Variants in FLT1 observed in about 807,000 individuals in gnomAD.
The protein encoded by FLT1 is fms related receptor tyrosine kinase 1.
In FLT1, 49 loss-of-function variants were observed where a neutral mutation model predicts 156.3. The observed-to-expected ratio is 0.31, with a 90% CI of 0.25 to 0.40. FLT1 has a LOEUF of 0.40. FLT1 is among the 10% of genes least tolerant of loss of function. The pLI is 1.00. For synonymous variants in FLT1, 594 were observed against 583.8 expected (o/e 1.02, Z -0.25); for missense variants, 1,322 against 1,637.2 (o/e 0.81, Z 3.32).
intron 3 of FLT1, among the ~76,000 whole-genome samples, chr13:28,442,238 T>C (rs1878370026): frequency 6.6e-6 from 1 of 152,254 alleles, no homozygotes; most frequent in African/African-American, 2.4e-5. Context: ...TTGTCTCTTT[T>C]GTGCATCCCA....
At chr13:28,482,865 G>A (rs187133690) in intron 1 of FLT1, among the ~76,000 whole-genome samples, 277 of 152,314 alleles carry the variant, frequency 1.8e-3, no homozygotes, top group African/African-American at 6.3e-3. Context: ...TTTGCGTAGC[G>A]AATACTTTGA....
chr13:28,408,647 G>C (rs1490580521), intron 10 of FLT1, among the ~76,000 whole-genome samples: 1 of 152,100 alleles, frequency 6.6e-6, no homozygotes, highest in Admixed American at 6.5e-5. Context: ...GGAGGAAGCC[G>C]AACAACAAGA....
intron 3 of FLT1, among the ~76,000 whole-genome samples, chr13:28,448,676 G>T (rs1430370639): frequency 6.6e-6 from 1 of 152,202 alleles, no homozygotes; most frequent in Admixed American, 6.5e-5. Flanking sequence ...TGACCGTGAT[G>T]ATGATGGTTG....
In FLT1 at chr13:28,321,564, C is replaced by T; in HGVS notation, c.3073G>A (p.Ala1025Thr). The part of the protein sequence containing the change: ...SRKCIHRDLA[A>T]RNILLSENNV... Reference sequence around the variant, plus strand: ...TTCTCAGATAAAAGAATGTTTCTCGCTGCCAGGTCCCGATGAATGCACTAT... The same window carrying T: ...TTCTCAGATAAAAGAATGTTTCTCGTTGCCAGGTCCCGATGAATGCACTAT... The change falls in exon 23 of 30, where the codon GCG (alanine) becomes ACG (threonine). Residue 1025 changes from alanine to threonine, a missense_variant. By Grantham distance (58) the Ala-to-Thr change is moderately conservative. This residue lies in a region of FLT1 where 991 missense variants were observed against 1,254.8 expected (regional missense o/e 0.79). Transcript: ENST00000282397. 6.2e-7 allele frequency: 1 copy of T among 1,614,200 alleles called. No individual in the cohort carries two copies. The highest frequency in any genetic ancestry group is 8.5e-7 in the Non-Finnish European group (1 of 1,180,004).
chr13:28,412,172 G>T (rs1876240783), intron 10 of FLT1, among the ~76,000 whole-genome samples: 2 of 152,206 alleles, frequency 1.3e-5, no homozygotes, highest in Non-Finnish European at 2.9e-5. Flanking sequence ...CGGCCATCCT[G>T]TAGCAGGGCC....
intron 25 of FLT1, among the ~76,000 whole-genome samples, chr13:28,313,312 C>A (rs909953743): frequency 1.3e-5 from 2 of 152,290 alleles, no homozygotes; most frequent in South Asian, 2.1e-4. Flanking sequence ...AGGTATCAGG[C>A]TCCTCTCTTG....
chr13:28,416,545 C>T (rs1184901605), intron 10 of FLT1, among the ~76,000 whole-genome samples: 1 of 152,180 alleles, frequency 6.6e-6, no homozygotes, highest in African/African-American at 2.4e-5. Flanking sequence ...AAACTCTCTA[C>T]CTGATCTGGA....
At chr13:28,461,701 G>A (rs11839312) in intron 3 of FLT1, among the ~76,000 whole-genome samples, 10,343 of 149,862 alleles carry the variant, frequency 0.069, 383 homozygotes, top group South Asian at 0.11. Flanking sequence ...TTCATAGCCA[G>A]GTAGAGCCTT....
At chr13:28,360,517 G>A (rs1245743445) in intron 14 of FLT1, among the ~76,000 whole-genome samples, 1 of 152,148 alleles carries the variant, frequency 6.6e-6, no homozygotes, top group Non-Finnish European at 1.5e-5. Flanking sequence ...AAAAATAACA[G>A]GAAATTCTGT....
chr13:28,463,601 T>A (rs1278192469), intron 3 of FLT1, among the ~76,000 whole-genome samples: 1 of 152,174 alleles, frequency 6.6e-6, no homozygotes, highest in East Asian at 1.9e-4. Context: ...TATTCAACAA[T>A]AATAAATACA....
intron 3 of FLT1, among the ~76,000 whole-genome samples, chr13:28,459,859 A>G (rs748859547): frequency 3.9e-5 from 6 of 152,254 alleles, no homozygotes; most frequent in Non-Finnish European, 8.8e-5. Context: ...TGCCCAACAC[A>G]GTGCTGACCT....
chr13:28,395,603 C>A lies in FLT1; in HGVS notation c.1660+1357G>T, dbSNP rs968424997. 4.2e-5 allele frequency among the ~76,000 whole-genome samples: 6 copies of A among 142,608 alleles called. No homozygotes were observed. The East Asian group carries it at 1.2e-3, about 28-fold the overall frequency. 93.6% of individuals were successfully genotyped at this position (142,608 alleles called of 152,430 possible). A position where few individuals can be genotyped will look rare whatever the true frequency, so the allele number is the denominator to read the frequency against. ...AAAATTAATTTTACTTTTAAAAAAA[C>A]GTGGTTACTAGAAAGTTTTAAATGG... On this transcript the variant is annotated intron_variant, in intron 12 of 29. Transcript: ENST00000282397.
Position 28,427,108 on chromosome 13 carries a change from C to T in FLT1, c.1436+51G>A, listed in dbSNP as rs767052871. 4 of 1,520,768 alleles carry T rather than the reference C, an allele frequency of 2.6e-6. No individual in the cohort carries two copies. The African/African-American group carries it at 4.1e-5, about 16-fold the overall frequency. The allele number at this position is 1,520,768 out of a possible 1,614,324, so 94.2% of individuals were successfully genotyped here. ...CTGCGTCCATTAAAAAATCTTAATT[C>T]CAGGTGTCAAAAAGTATTTGAAAGT... On this transcript the variant is annotated intron_variant, in intron 10 of 29. Coordinates refer to ENST00000282397, the MANE Select transcript of FLT1 (RefSeq NM_002019.4).
intron 3 of FLT1, among the ~76,000 whole-genome samples, chr13:28,462,573 T>C (rs963363181): frequency 2.0e-5 from 3 of 152,220 alleles, no homozygotes; most frequent in Admixed American, 6.5e-5. Flanking sequence ...CATATCATAT[T>C]TTCCACTATT....
intron 3 of FLT1, among the ~76,000 whole-genome samples, chr13:28,453,108 TTTCCTTTCCTTTC>T (rs1879069070): frequency 1.4e-5 from 1 of 71,374 alleles, no homozygotes; most frequent in Non-Finnish European, 2.5e-5. Flanking sequence ...TTTCCTTTCC[TTTCCTTTCCTTTC>T]CTTTCCTTTC....
chr13:28,322,406 C>T lies in FLT1; in HGVS notation c.2954-47G>A, dbSNP rs901044585. ...ACTGTTTGTAATGGCTCTTGTTATC[C>T]CACCAAATCCCAGTTTATTGGAACA... is the stretch of plus-strand genomic sequence containing the variant. On this transcript the variant is annotated intron_variant, in intron 21 of 29. Coordinates refer to ENST00000282397, the MANE Select transcript of FLT1 (RefSeq NM_002019.4). The surrounding 1 kb of genome is among the most constrained non-coding windows in gnomAD (Gnocchi z 4.3). 5 of 1,157,648 alleles carry T rather than the reference C, an allele frequency of 4.3e-6. No individual in the cohort carries two copies. In the African/African-American group the frequency reaches 7.6e-5, roughly 18 times the overall value. The allele number at this position is 1,157,648 out of a possible 1,614,324, so 71.7% of individuals were successfully genotyped here. A position where few individuals can be genotyped will look rare whatever the true frequency, so the allele number is the denominator to read the frequency against.
chr13:28,402,664 T>G (rs887033833), intron 11 of FLT1, among the ~76,000 whole-genome samples: 1 of 152,226 alleles, frequency 6.6e-6, no homozygotes, highest in African/African-American at 2.4e-5. Context: ...TCATTGTATA[T>G]GATCACAATC....
intron 16 of FLT1, among the ~76,000 whole-genome samples, chr13:28,344,330 A>C (rs1199475005): frequency 6.6e-6 from 1 of 151,862 alleles, no homozygotes; most frequent in Non-Finnish European, 1.5e-5. Flanking sequence ...CAGCCTCCTA[A>C]ATGCTCTTGC....
chr13:28,327,756 CAAAAA>C (rs56031277), intron 19 of FLT1, among the ~76,000 whole-genome samples: 62,900 of 122,992 alleles, frequency 0.51, 14,920 homozygotes, highest in East Asian at 0.66. Flanking sequence ...AATTGAAATA[CAAAAA>C]AAAAAAAAAA....
Sources: gnomAD v4.1 joint callset for allele counts (sites outside exome capture counted in the v4.1 genomes callset) on GRCh38, gnomAD v4.1.1 for gene constraint, gnomAD v4.1.1 regional missense constraint, Gnocchi (gnomAD v3.1) non-coding constraint, MANE v1.5 for transcripts, NCBI Gene and HGNC (gene_info 2026-07-23, HGNC 2026-07-21) for gene names.